LINGO2: variants seen among roughly 807,000 people sequenced by gnomAD.
The protein encoded by LINGO2 is leucine rich repeat and Ig domain containing 2, also known as leucine-rich repeat and immunoglobulin-like domain-containing nogo receptor-interacting protein 2.
A neutral mutation model predicts 30.6 loss-of-function variants in LINGO2; 14 were observed. That is an observed-to-expected ratio of 0.46 (90% CI 0.30 to 0.72). The LOEUF (loss-of-function observed/expected upper bound fraction) is 0.72. LINGO2 is among the 30% of genes least tolerant of loss of function. The pLI is 0.07. For synonymous variants in LINGO2, 317 were observed against 288.5 expected (o/e 1.10, Z -1.00); for missense variants, 729 against 751.7 (o/e 0.97, Z 0.35).
chr9:28,749,162 C>A, the LINGO2 span, among the ~76,000 whole-genome samples: 6 of 151,996 alleles, frequency 3.9e-5, no homozygotes, highest in Non-Finnish European at 8.8e-5. Context: ...GAATGTGACA[C>A]TCCTGTTGTC....
the LINGO2 span, among the ~76,000 whole-genome samples, chr9:29,179,497 A>T: frequency 6.6e-6 from 1 of 151,950 alleles, no homozygotes; most frequent in African/African-American, 2.4e-5. Context: ...CTCCGTTTCC[A>T]GGGTTCAAGC....
intron 4 of LINGO2, among the ~76,000 whole-genome samples, chr9:28,266,971 G>A (rs936673745): frequency 2.0e-5 from 3 of 151,996 alleles, no homozygotes; most frequent in Admixed American, 6.6e-5. Context: ...TGTCACCAAA[G>A]TACAGAGGAA....
At chr9:29,004,397 A>T in the LINGO2 span, among the ~76,000 whole-genome samples, 1 of 151,958 alleles carries the variant, frequency 6.6e-6, no homozygotes, top group African/African-American at 2.4e-5. Flanking sequence ...CACAATTATC[A>T]AGAAATTCTG....
At chr9:28,425,895 A>G (rs1823390931) in intron 2 of LINGO2, among the ~76,000 whole-genome samples, 1 of 151,984 alleles carries the variant, frequency 6.6e-6, no homozygotes, top group Non-Finnish European at 1.5e-5. Flanking sequence ...GTTATTGTTA[A>G]ATGTAGATAA....
At chr9:28,885,358 T>TACACACAC in the LINGO2 span, among the ~76,000 whole-genome samples, 904 of 142,144 alleles carry the variant, frequency 6.4e-3, 7 homozygotes, top group African/African-American at 0.023. Flanking sequence ...GATATATATA[T>TACACACAC]ATACACACAC....
chr9:28,206,020 C>G (rs144209256), intron 4 of LINGO2, among the ~76,000 whole-genome samples: 4 of 151,988 alleles, frequency 2.6e-5, no homozygotes, highest in Non-Finnish European at 4.4e-5. Flanking sequence ...CAAAGACTAG[C>G]CAGGTGTGGT....
chr9:28,059,940 G>T (rs145628414), intron 4 of LINGO2, among the ~76,000 whole-genome samples: 2 of 151,896 alleles, frequency 1.3e-5, no homozygotes, highest in African/African-American at 4.8e-5. Flanking sequence ...AAACACCTGG[G>T]TTCAAATCAT....
At chr9:27,939,902 T>A in the LINGO2 span, 1 of 152,332 alleles carries the variant, frequency 6.6e-6, no homozygotes, top group South Asian at 2.1e-4. Flanking sequence ...TATCTCCCAA[T>A]GTGACAATAC....
the LINGO2 span, among the ~76,000 whole-genome samples, chr9:28,824,111 T>C: frequency 6.6e-6 from 1 of 152,178 alleles, no homozygotes; most frequent in Non-Finnish European, 1.5e-5. Flanking sequence ...CGCTCATGCC[T>C]GTGAAGTTTG....
intron 1 of LINGO2, among the ~76,000 whole-genome samples, chr9:28,508,801 G>C (rs943665240): frequency 6.6e-6 from 1 of 151,996 alleles, no homozygotes; most frequent in Admixed American, 6.6e-5. Context: ...TTAACAGACA[G>C]AAACAAAGGA....
intron 4 of LINGO2, among the ~76,000 whole-genome samples, chr9:28,198,030 G>T (rs952100200): frequency 6.6e-6 from 1 of 151,328 alleles, no homozygotes; most frequent in African/African-American, 2.4e-5. Flanking sequence ...GGGAAAATTG[G>T]TTAAAACTCT....
intron 1 of LINGO2, among the ~76,000 whole-genome samples, chr9:28,590,142 A>G (rs944751616): frequency 4.6e-5 from 7 of 152,192 alleles, no homozygotes; most frequent in Admixed American, 1.3e-4. Flanking sequence ...GACACCTTAT[A>G]CAAAAATTAA....
At chr9:28,342,188 G>A (rs887462119) in intron 3 of LINGO2, among the ~76,000 whole-genome samples, 1 of 152,074 alleles carries the variant, frequency 6.6e-6, no homozygotes, top group Non-Finnish European at 1.5e-5. Flanking sequence ...ACCTCTCGCT[G>A]TCTATATAGC....
chr9:28,237,126 G>C lies in LINGO2; in HGVS notation c.-87+58082C>G, dbSNP rs1413731475. The stretch of plus-strand genomic sequence containing the variant: ...AAATAGTTAAACAGTGCGGGGGGGG[G>C]GTAAAGTTAAATGTAGGATTTTTAT... On this transcript the variant is annotated intron_variant, in intron 4 of 5. Coordinates refer to ENST00000379992, the Ensembl canonical transcript of LINGO2. Among the ~76,000 whole-genome samples, 3 of 133,428 alleles carry C rather than the reference G, an allele frequency of 2.2e-5. No individual in the cohort carries two copies. In the East Asian group the frequency reaches 7.2e-4, roughly 32 times the overall value. The allele number at this position is 133,428 out of a possible 152,430, so 87.5% of individuals were successfully genotyped here. A position where few individuals can be genotyped will look rare whatever the true frequency, so the allele number is the denominator to read the frequency against.
intron 4 of LINGO2, among the ~76,000 whole-genome samples, chr9:28,126,567 TAAAACTACAGGCCA>T (rs1425661286): frequency 6.6e-6 from 1 of 152,210 alleles, no homozygotes; most frequent in African/African-American, 2.4e-5. Context: ...TGGCATGACT[TAAAACTACAGGCCA>T]TTAGGCAAAG....
chr9:28,449,283 C>A (rs1824553255), intron 2 of LINGO2, among the ~76,000 whole-genome samples: 1 of 151,918 alleles, frequency 6.6e-6, no homozygotes, highest in East Asian at 1.9e-4. Flanking sequence ...ATCTCAAAGT[C>A]CTATGGCAGA....
At chr9:28,000,735 AAT>A (rs1821907003) in intron 5 of LINGO2, among the ~76,000 whole-genome samples, 1 of 152,214 alleles carries the variant, frequency 6.6e-6, no homozygotes, top group African/African-American at 2.4e-5. Context: ...GAAAGTTGAC[AAT>A]AGTTTTTTAT....
chr9:28,414,915 C>G lies in LINGO2; in HGVS notation c.-278-42047G>C, dbSNP rs556899325. 2.0e-5 allele frequency among the ~76,000 whole-genome samples: 3 copies of G among 151,904 alleles called. No homozygotes were observed. The East Asian group carries it at 5.8e-4, about 29-fold the overall frequency. On this transcript the variant is annotated intron_variant, in intron 2 of 5. Coordinates refer to ENST00000379992, the Ensembl canonical transcript of LINGO2. ...GTTTATTATAGTAGAGCACTGAAAA[C>G]AAGTCCAGAGTTAAAAAAATAAGGG...
the LINGO2 span, among the ~76,000 whole-genome samples, chr9:28,785,560 T>A: frequency 2.6e-5 from 4 of 152,162 alleles, no homozygotes; most frequent in Non-Finnish European, 5.9e-5. Context: ...CACTTTGAGT[T>A]TACTGCGATA....
Sources: gnomAD v4.1 joint callset for allele counts (sites outside exome capture counted in the v4.1 genomes callset) on GRCh38, gnomAD v4.1.1 for gene constraint, MANE v1.5 for transcripts, NCBI Gene and HGNC (gene_info 2026-07-23, HGNC 2026-07-21) for gene names.